Variants in PPEF1 observed in about 807,000 individuals in gnomAD.
PPEF1 encodes the protein serine/threonine-protein phosphatase with EF-hands 1.
In PPEF1, 12 loss-of-function variants were observed where a neutral mutation model predicts 53.3. The ratio of observed to expected loss-of-function variants is 0.23; its 90% CI spans 0.14 to 0.36. The LOEUF (loss-of-function observed/expected upper bound fraction) is 0.36, where lower values mean the gene tolerates loss of function less well. PPEF1 is among the 10% of genes least tolerant of loss of function. The pLI is 1.00. For missense variants in PPEF1, 334 were observed against 490.4 expected (o/e 0.68, Z 3.01); for synonymous variants, 165 against 176.7 (o/e 0.93, Z 0.52).
At chrX:18,749,770 C>G in intron 3 of PPEF1, 22 bp from the exon 4 acceptor site, 5 of 585,159 alleles carry the variant, frequency 8.5e-6, no homozygotes, top group Non-Finnish European at 1.2e-5. Context: ...CCCACCCCCC[C>G]GTTCTGTCCT....
upstream of PPEF1, among the ~76,000 whole-genome samples, chrX:18,706,818 C>CTTTTTTT (rs767459911): frequency 4.3e-5 from 2 of 46,319 alleles, no homozygotes; most frequent in African/African-American, 1.6e-4. Context: ...TTCAAACCTC[C>CTTTTTTT]TTTTTTTTTT....
intron 4 of PPEF1, among the ~76,000 whole-genome samples, chrX:18,695,818 G>A (rs962199032): frequency 3.6e-5 from 4 of 112,189 alleles, no homozygotes; most frequent in South Asian, 3.7e-4. Flanking sequence ...GGAGCCTTTC[G>A]AAAGCTGAAT....
chrX:18,734,486 C>T (rs2044920344), intron 3 of PPEF1, among the ~76,000 whole-genome samples: 1 of 110,968 alleles, frequency 9.0e-6, no homozygotes, highest in Non-Finnish European at 1.9e-5. Context: ...GCATAGTATT[C>T]CATGGTGTAT....
chrX:18,762,034 G>A (rs755358675), intron 6 of PPEF1, among the ~76,000 whole-genome samples: 2 of 111,453 alleles, frequency 1.8e-5, no homozygotes, highest in Admixed American at 9.6e-5. Context: ...CCCCTGATTC[G>A]CCATCCATGG....
At chrX:18,757,570 C>A in intron 4 of PPEF1, 57 bp from the exon 5 acceptor site, 1 of 913,525 alleles carries the variant, frequency 1.1e-6, no homozygotes, top group Non-Finnish European at 1.6e-6. Context: ...GTTTTCTATA[C>A]AGTCATGTCT....
chrX:18,770,251 A>T (rs2045846891), intron 6 of PPEF1, among the ~76,000 whole-genome samples: 1 of 111,587 alleles, frequency 9.0e-6, no homozygotes, highest in African/African-American at 3.3e-5. Context: ...CTAGTTCCTC[A>T]TCATCCTGTG....
intron 1 of PPEF1, among the ~76,000 whole-genome samples, chrX:18,716,531 CAAAA>C (rs34160021): frequency 0.029 from 1,293 of 44,603 alleles, 34 homozygotes; most frequent in African/African-American, 0.1. Context: ...GACACCATCT[CAAAA>C]AAAAAAAAAA....
At position 18,827,448 on chromosome X, in the gene PPEF1, T is replaced by C; in HGVS notation, c.1923T>C (p.Tyr641=). 2 of 1,210,824 alleles carry C rather than the reference T, an allele frequency of 1.7e-6. No individual in the cohort carries two copies. The highest frequency in any genetic ancestry group is 2.2e-6 in the Non-Finnish European group (2 of 894,746). ...AGGCTTTCTATGTAGTGCATAGATA[T>C]GAAGACTTGATGAAACCTGATGTCA... ...FLKAFYVVHR[Y]EDLMKPDVTN... is the part of the protein sequence containing the mutation. The change falls in exon 16 of 16, where the codon TAT becomes TAC. Residue 641 remains tyrosine (Y), a synonymous_variant. Coordinates refer to ENST00000470157, the MANE Select transcript of PPEF1 (RefSeq NM_001377996.1).
At chrX:18,823,364 C>T (rs2047102202) in intron 13 of PPEF1, among the ~76,000 whole-genome samples, 1 of 111,550 alleles carries the variant, frequency 9.0e-6, no homozygotes, top group South Asian at 3.7e-4. Flanking sequence ...GTGGCTCACA[C>T]CTGTAATCCC....
chrX:18,806,230 G>A (rs1366074369), intron 11 of PPEF1, among the ~76,000 whole-genome samples, 173 bp from the exon 12 acceptor site: 1 of 111,407 alleles, frequency 9.0e-6, no homozygotes, highest in Non-Finnish European at 1.9e-5. Flanking sequence ...CTGGGTAGTA[G>A]CCTTGTTTTC....
At chrX:18,798,325 G>A (rs147123309) in intron 10 of PPEF1, among the ~76,000 whole-genome samples, 4,527 of 111,602 alleles carry the variant, frequency 0.041, 228 homozygotes, top group African/African-American at 0.14. Context: ...GAGCCACGGC[G>A]CCTGGCCAAA....
chrX:18,807,969 A>ATTT (rs377271718), intron 12 of PPEF1, among the ~76,000 whole-genome samples: 57 of 75,829 alleles, frequency 7.5e-4, no homozygotes, highest in African/African-American at 2.8e-3. Flanking sequence ...CTGTACGTAC[A>ATTT]TTTTTTTTTT....
At chrX:18,810,156 A>T (rs1047723337) in intron 12 of PPEF1, among the ~76,000 whole-genome samples, 2 of 108,904 alleles carry the variant, frequency 1.8e-5, no homozygotes, top group African/African-American at 6.7e-5. Flanking sequence ...GTAAGATTTT[A>T]CAATGTGGAA....
chrX:18,692,864 AT>A (rs944273872), intron 4 of PPEF1, among the ~76,000 whole-genome samples: 3 of 109,705 alleles, frequency 2.7e-5, no homozygotes, highest in Non-Finnish European at 3.8e-5. Flanking sequence ...TCTAAGATGC[AT>A]TTTTTTTTCA....
At chrX:18,681,927 G>A (rs1017189911), upstream of PPEF1, among the ~76,000 whole-genome samples, 4 of 112,221 alleles carry the variant, frequency 3.6e-5, no homozygotes, top group Non-Finnish European at 7.5e-5. Flanking sequence ...CACTGTCCGC[G>A]GAACTGGAGT....
intron 3 of PPEF1, among the ~76,000 whole-genome samples, chrX:18,745,115 AT>A (rs2045294405): frequency 1.1e-5 from 1 of 94,875 alleles, no homozygotes; most frequent in African/African-American, 3.9e-5. Context: ...ATATAATTAT[AT>A]TATATATATT....
chrX:18,799,182 G>A (rs1321299949), intron 10 of PPEF1, among the ~76,000 whole-genome samples: 3 of 106,151 alleles, frequency 2.8e-5, no homozygotes, highest in African/African-American at 1.1e-4. Flanking sequence ...GCAGTGAGCC[G>A]AGATCACACC....
At chrX:18,735,155 G>T (rs1360327302) in intron 3 of PPEF1, among the ~76,000 whole-genome samples, 3 of 111,547 alleles carry the variant, frequency 2.7e-5, no homozygotes. Context: ...GTCAATTTTG[G>T]CTTTTGTTGC....
intron 4 of PPEF1, among the ~76,000 whole-genome samples, chrX:18,753,444 C>G (rs745474512): frequency 2.2e-3 from 243 of 111,494 alleles, no homozygotes; most frequent in African/African-American, 7.7e-3. Flanking sequence ...TTCAAAGAAC[C>G]AACTTTTGGT....
Sources: allele counts gnomAD v4.1 joint callset (sites outside exome capture counted in the v4.1 genomes callset), GRCh38; gene constraint gnomAD v4.1.1; transcripts MANE v1.5; gene names NCBI Gene and HGNC (gene_info 2026-07-23, HGNC 2026-07-21).